Variants in POSTN observed in about 807,000 individuals in gnomAD.
POSTN encodes the protein periostin, also known as osteoblast specific factor 2 (fasciclin I-like).
A neutral mutation model predicts 104.5 loss-of-function variants in POSTN; 71 were observed. The ratio of observed to expected loss-of-function variants is 0.68; its 90% CI spans 0.56 to 0.83. The LOEUF (loss-of-function observed/expected upper bound fraction) is 0.83. Ranked by LOEUF, POSTN falls within the 40% of genes least tolerant of loss-of-function variation. The pLI, the probability that POSTN is intolerant of heterozygous loss-of-function variation, is 0.00. For synonymous variants in POSTN, 355 were observed against 340.7 expected (o/e 1.04, Z -0.46); for missense variants, 949 against 1,006.8 (o/e 0.94, Z 0.78).
In POSTN at chr13:37,584,706, A is replaced by T. The variant is rs759891636; in HGVS notation, c.1108+10T>A. The T allele has an allele frequency of 3.7e-6, 6 of 1,605,478 alleles. No homozygotes were observed. Among genetic ancestry groups the T allele is most frequent in the Admixed American group, 3.4e-5 (2 of 59,326 alleles). The stretch of plus-strand genomic sequence containing the variant: ...AAAAAACAAAAACAAAAACAAAAAA[A>T]GTTGCTTACCAGAATCAGGAATTAG... On this transcript the variant is annotated intron_variant, in intron 8 of 22. Coordinates refer to ENST00000379747, the MANE Select transcript of POSTN (RefSeq NM_006475.3).
chr13:37,574,515 AG>A, intron 17 of POSTN, 56 bp downstream of exon 17: 1 of 1,522,276 alleles, frequency 6.6e-7, no homozygotes, highest in Admixed American at 2.5e-5. Flanking sequence ...CATAGAGATC[AG>A]TATTTTTACA....
rs1328851168 is a variant in POSTN at position 37,584,901 on chromosome 13, G to A, written c.923C>T (p.Thr308Ile). ...CATAATAGACTCAGAACACTGGAGA[G>A]TATTTAAGATGTGGTACTTCATAAG... is the stretch of plus-strand genomic sequence containing the variant. ...EALMKYHILN[T>I]LQCSESIMGG... The change falls in exon 8 of 23, where the codon ACT (threonine) becomes ATT (isoleucine). Residue 308 changes from threonine (T) to isoleucine (I), a missense_variant. Thr to Ile is a moderately conservative substitution (Grantham distance 89). Transcript: ENST00000379747. The A allele has an allele frequency of 1.2e-6, 2 of 1,613,798 alleles. No individual in the cohort carries two copies. Among genetic ancestry groups the A allele is most frequent in the South Asian group, 1.1e-5 (1 of 91,072 alleles).
intron 9 of POSTN, 135 bp from the exon 10 acceptor site, chr13:37,582,649 T>C (rs1950628314): frequency 1.3e-6 from 1 of 748,126 alleles, no homozygotes; most frequent in African/African-American, 1.8e-5. Flanking sequence ...ATATAATACA[T>C]GAATCAACCA....
chr13:37,569,120 A>T, intron 21 of POSTN, 180 bp downstream of exon 21: 1 of 466,320 alleles, frequency 2.1e-6, no homozygotes, highest in Non-Finnish European at 3.8e-6. Flanking sequence ...TTAAACTAGT[A>T]ATCATTTCTT....
At chr13:37,591,137 C>T (rs539936519) in intron 3 of POSTN, among the ~76,000 whole-genome samples, 1 of 152,064 alleles carries the variant, frequency 6.6e-6, no homozygotes, top group South Asian at 2.1e-4. Flanking sequence ...GATTTGGTGA[C>T]ACAACTATTA....
chr13:37,563,178 GAA>G lies in POSTN; in HGVS notation c.*153_*154del. The G allele has an allele frequency of 2.4e-6, 1 of 418,350 alleles. No individual in the cohort carries two copies. The highest frequency in any genetic ancestry group is 4.2e-6 in the Non-Finnish European group (1 of 236,296). 25.9% of individuals were successfully genotyped at this position (418,350 alleles called of 1,614,324 possible). On this transcript the variant is annotated 3_prime_UTR_variant, in exon 23 of 23. Coordinates refer to ENST00000379747, the MANE Select transcript of POSTN (RefSeq NM_006475.3). The stretch of plus-strand genomic sequence containing the variant: ...CAATTTCCCTCATGTTTCTCATTCA[GAA>G]AAAAAAATATTAAATTTGTGTTCAG...
At chr13:37,584,550 C>T (rs571789700) in intron 8 of POSTN, among the ~76,000 whole-genome samples, 166 bp downstream of exon 8, 2 of 152,226 alleles carry the variant, frequency 1.3e-5, no homozygotes, top group East Asian at 1.9e-4. Context: ...CACTACACTG[C>T]CTATCTATGG....
chr13:37,571,088 C>T (rs575629305), intron 18 of POSTN: 22 of 336,176 alleles, frequency 6.5e-5, no homozygotes, highest in Non-Finnish European at 1.1e-4. Context: ...ATTAATGTTA[C>T]AATTTTATTC....
intron 4 of POSTN, among the ~76,000 whole-genome samples, chr13:37,589,377 T>C (rs1383017071): frequency 2.0e-5 from 3 of 152,156 alleles, no homozygotes. Flanking sequence ...CTTTAAGTTT[T>C]AGGGTACATG....
chr13:37,565,373 C>G (rs539254538), intron 21 of POSTN: 49 of 152,034 alleles, frequency 3.2e-4, no homozygotes, highest in African/African-American at 1.0e-3. Flanking sequence ...ATGGTTTCTA[C>G]AGTTACTTCA....
chr13:37,565,934 T>C (rs1331509282), intron 21 of POSTN, among the ~76,000 whole-genome samples: 1 of 152,204 alleles, frequency 6.6e-6, no homozygotes, highest in African/African-American at 2.4e-5. Flanking sequence ...AGTGGACTTA[T>C]TAAATTCCAA....
rs1268653013 is a variant in POSTN, at chr13:37,562,961, C to T, written c.*372G>A. 1 of 159,300 alleles carries T rather than the reference C, an allele frequency of 6.3e-6. No individual in the cohort carries two copies. The highest frequency in any genetic ancestry group is 1.8e-4 in the East Asian group (1 of 5,654). 9.9% of individuals were successfully genotyped at this position (159,300 alleles called of 1,614,324 possible). On this transcript the variant is annotated 3_prime_UTR_variant, in exon 23 of 23. Transcript: ENST00000379747. ...TTGCGTGCATTTTATGTATCCATAA[C>T]ATACATACAAGGCTCGGTCTTTTCA...
chr13:37,576,088 G>A (rs1024255789), intron 16 of POSTN, among the ~76,000 whole-genome samples: 1 of 151,966 alleles, frequency 6.6e-6, no homozygotes, highest in African/African-American at 2.4e-5. Context: ...GAAGCTCTGA[G>A]GATTAAATAT....
chr13:37,592,941 A>G (rs1161182206), intron 2 of POSTN, among the ~76,000 whole-genome samples: 5 of 152,072 alleles, frequency 3.3e-5, no homozygotes, highest in African/African-American at 1.2e-4. Context: ...GTAACATGCT[A>G]TCTCATTGCT....
At chr13:37,570,250 T>C (rs1950225314) in intron 19 of POSTN, among the ~76,000 whole-genome samples, 1 of 151,824 alleles carries the variant, frequency 6.6e-6, no homozygotes, top group African/African-American at 2.4e-5. Flanking sequence ...GAAGCTCAAA[T>C]GAGGAAATGG....
intron 7 of POSTN, among the ~76,000 whole-genome samples, chr13:37,585,378 C>A (rs902363962): frequency 3.9e-5 from 6 of 152,058 alleles, no homozygotes; most frequent in African/African-American, 1.4e-4. Context: ...CCCTCTCTAC[C>A]AAAAGAGAAA....
chr13:37,574,579 T>C lies in POSTN; in HGVS notation c.2082A>G (p.Lys694=). 6.3e-7 allele frequency: 1 copy of C among 1,591,278 alleles called. No homozygotes were observed. Among genetic ancestry groups the C allele is most frequent in the Non-Finnish European group, 8.5e-7 (1 of 1,173,130 alleles). ...TATAACATTGATTTTTACCTTCAGTTTTGATAATAGGCTGAAGACTGCCTT... is the reference window on the plus strand; with the variant it reads ...TATAACATTGATTTTTACCTTCAGTCTTGATAATAGGCTGAAGACTGCCTT... ...VIEGSLQPII[K]TEGPTLTKVK... is the part of the protein sequence containing the mutation. Residue 694 remains lysine, a synonymous_variant, in exon 17 of 23, where the codon AAA becomes AAG. Coordinates refer to ENST00000379747, the MANE Select transcript of POSTN (RefSeq NM_006475.3).
At chr13:37,567,179 T>G (rs1163232382) in intron 21 of POSTN, among the ~76,000 whole-genome samples, 2 of 116,698 alleles carry the variant, frequency 1.7e-5, no homozygotes, top group East Asian at 5.9e-4. Flanking sequence ...GAGCTTGCAG[T>G]GAGCCGAGAT....
chr13:37,582,300 T>G, intron 10 of POSTN, 66 bp downstream of exon 10: 2 of 1,488,568 alleles, frequency 1.3e-6, no homozygotes, highest in East Asian at 2.3e-5. Context: ...CTGTGAAATA[T>G]TCATTGAAAC....
Sources: allele counts gnomAD v4.1 joint callset (sites outside exome capture counted in the v4.1 genomes callset), GRCh38; gene constraint gnomAD v4.1.1; transcripts MANE v1.5; gene names NCBI Gene and HGNC (gene_info 2026-07-23, HGNC 2026-07-21).